The following MON2 variants were observed in gnomAD, a reference collection of about 807,000 sequenced individuals.
MON2 encodes protein MON2 homolog.
Under a neutral mutation model 208.6 loss-of-function variants are expected in MON2, and 84 were observed. The ratio of observed to expected loss-of-function variants is 0.40; its 90% CI spans 0.34 to 0.48. The LOEUF (loss-of-function observed/expected upper bound fraction) is 0.48. MON2 is among the 20% of genes least tolerant of loss of function. MON2 has a pLI of 0.59. For missense variants in MON2, 1,611 were observed against 2,015.4 expected, an observed-to-expected ratio of 0.80 and a Z score of 3.84; for synonymous variants, 660 against 694.0, an observed-to-expected ratio of 0.95 and a Z score of 0.77.
At chr12:62,494,147 A>G in intron 3 of MON2, 105 bp downstream of exon 3, 1 of 1,067,398 alleles carries the variant, frequency 9.4e-7, no homozygotes, top group South Asian at 2.0e-5. Flanking sequence ...TTTTACAAAT[A>G]GCAATGTGCT....
chr12:62,490,647 A>G (rs912328117), intron 2 of MON2, among the ~76,000 whole-genome samples: 1 of 151,978 alleles, frequency 6.6e-6, no homozygotes, highest in African/African-American at 2.4e-5. Flanking sequence ...AATACAGTGG[A>G]TGTGTTTTTG....
intron 7 of MON2, among the ~76,000 whole-genome samples, chr12:62,502,474 A>T (rs2070893412): frequency 6.6e-6 from 1 of 151,784 alleles, no homozygotes; most frequent in Non-Finnish European, 1.5e-5. Context: ...GACATATAAC[A>T]GTTTAGTGTT....
Position 62,585,434 on chromosome 12 carries a change from A to C in MON2, c.4840A>C (p.Arg1614=), listed in dbSNP as rs774523753. ...SRMALSVLLK[R]SQDVLHRYIE... ...AATGGCACTCTCAGTGCTTTTAAAG[A>C]GGTCCCAAGATGTACTACATCGCTA... Residue 1614 remains arginine (R), a synonymous_variant, in exon 33 of 35, where the codon AGG becomes CGG. Coordinates refer to ENST00000393630, the MANE Select transcript of MON2 (RefSeq NM_015026.3). 1.2e-6 allele frequency: 2 copies of C among 1,613,718 alleles called. No homozygotes were observed. The highest frequency in any genetic ancestry group is 4.5e-5 in the East Asian group (2 of 44,856).
intron 8 of MON2, among the ~76,000 whole-genome samples, chr12:62,513,168 G>A (rs1476202598): frequency 2.0e-5 from 3 of 152,180 alleles, no homozygotes; most frequent in Non-Finnish European, 4.4e-5. Flanking sequence ...TCAGCTCCTT[G>A]TTACTTATGC....
chr12:62,549,013 G>T (rs2073624401), intron 22 of MON2, among the ~76,000 whole-genome samples: 1 of 152,204 alleles, frequency 6.6e-6, no homozygotes. Context: ...CAGGGATACA[G>T]TGAGGAGAAA....
chr12:62,579,296 G>T (rs1330729037), intron 31 of MON2, among the ~76,000 whole-genome samples: 1 of 151,950 alleles, frequency 6.6e-6, no homozygotes, highest in Non-Finnish European at 1.5e-5. Flanking sequence ...ATGTTTTGAG[G>T]ATTATAAATG....
chr12:62,575,649 T>C (rs529342583), intron 30 of MON2, among the ~76,000 whole-genome samples: 2 of 152,376 alleles, frequency 1.3e-5, no homozygotes, highest in East Asian at 3.9e-4. Context: ...CCCAAACTTT[T>C]TGATCTGCAA....
chr12:62,494,418 A>G (rs1347990430), intron 3 of MON2, among the ~76,000 whole-genome samples: 1 of 152,216 alleles, frequency 6.6e-6, no homozygotes, highest in Non-Finnish European at 1.5e-5. Context: ...CGTATTGTTC[A>G]TATCTAACCT....
At chr12:62,533,694 G>A (rs1036075848) in intron 12 of MON2, among the ~76,000 whole-genome samples, 10 of 152,158 alleles carry the variant, frequency 6.6e-5, no homozygotes, top group Non-Finnish European at 1.0e-4. Flanking sequence ...GTTCCTTTTA[G>A]TGGAGAATAG....
chr12:62,517,118 T>G lies in MON2; in HGVS notation c.985-7397T>G, dbSNP rs184290838. On this transcript the variant is annotated intron_variant, in intron 8 of 34. Transcript: ENST00000393630. ...ACTAGGCCAACTAAATACCACTTCC[T>G]CACTTGTTCCCTAAATATTAGCAGG... Among the ~76,000 whole-genome samples, 759 of 152,284 alleles carry G rather than the reference T, an allele frequency of 5.0e-3. 6 individuals are homozygous for G. Among genetic ancestry groups the G allele is most frequent in the Non-Finnish European group, 8.1e-3 (552 of 68,032 alleles).
chr12:62,538,274 C>T lies in MON2; in HGVS notation c.2222C>T (p.Thr741Ile). ...PSTVLTTAVM[T>I]DLPVISNILS... ...CAGGTTCTAACAACAGCAGTGATGA[C>T]AGATTTACCAGTGATTTCCAATATA... Residue 741 changes from threonine (T) to isoleucine (I), a missense_variant, in exon 18 of 35, where the codon ACA becomes ATA. Coordinates refer to ENST00000393630, the MANE Select transcript of MON2 (RefSeq NM_015026.3). The T allele has an allele frequency of 1.2e-6, 2 of 1,613,514 alleles. No individual in the cohort carries two copies. The highest frequency in any genetic ancestry group is 1.7e-6 in the Non-Finnish European group (2 of 1,179,542).
At chr12:62,587,432 T>C (rs573573430) in intron 33 of MON2, among the ~76,000 whole-genome samples, 3 of 152,148 alleles carry the variant, frequency 2.0e-5, no homozygotes, top group South Asian at 2.1e-4. Flanking sequence ...ATAAAATGTT[T>C]TAAGGGCAGG....
At chr12:62,498,779 A>G in intron 4 of MON2, 140 bp from the exon 5 acceptor site, 1 of 876,756 alleles carries the variant, frequency 1.1e-6, no homozygotes, top group African/African-American at 1.7e-5. Flanking sequence ...TTACATCAAA[A>G]TCTGAGGATT....
intron 1 of MON2, among the ~76,000 whole-genome samples, chr12:62,473,834 G>C (rs1035332814): frequency 6.6e-6 from 1 of 151,988 alleles, no homozygotes; most frequent in African/African-American, 2.4e-5. Flanking sequence ...GCCTCCCAAA[G>C]TGCTGGGATT....
intron 34 of MON2, 67 bp downstream of exon 34, chr12:62,588,223 C>A: frequency 8.9e-7 from 1 of 1,123,814 alleles, no homozygotes; most frequent in Non-Finnish European, 1.3e-6. Context: ...GGACTTTTGT[C>A]TGTTAATTTA....
chr12:62,571,887 A>C (rs949592562), intron 30 of MON2, among the ~76,000 whole-genome samples: 1 of 152,254 alleles, frequency 6.6e-6, no homozygotes, highest in Non-Finnish European at 1.5e-5. Flanking sequence ...TTTGATGCCC[A>C]TTGGGCATTG....
rs1365406463 is a variant in MON2, at chr12:62,532,464, C to T, written c.1427C>T (p.Pro476Leu). The T allele has an allele frequency of 6.2e-7, 1 of 1,613,804 alleles. No individual in the cohort carries two copies. The highest frequency in any genetic ancestry group is 1.7e-5 in the Admixed American group (1 of 60,006). The change falls in exon 12 of 35, where the codon CCT becomes CTT. Residue 476 changes from proline to leucine, a missense_variant. Physicochemically the swap from Pro to Leu is moderately conservative, Grantham distance 98. Coordinates refer to ENST00000393630, the MANE Select transcript of MON2 (RefSeq NM_015026.3). ...TTAGAAATGTTGGACAAAGTTGAGC[C>T]TCCAACTATACCTGAAGGTTACGCC... ...TYLEMLDKVE[P>L]PTIPEGYAMS... is the part of the protein sequence containing the mutation.
chr12:62,584,753 C>T (rs1349241788), intron 32 of MON2, among the ~76,000 whole-genome samples: 1 of 139,294 alleles, frequency 7.2e-6, no homozygotes, highest in Non-Finnish European at 1.6e-5. Flanking sequence ...TGGGATCTAA[C>T]TTGAGAGAAT....
intron 28 of MON2, 25 bp downstream of exon 28, chr12:62,566,056 C>T (rs764622282): frequency 1.1e-5 from 18 of 1,603,384 alleles, no homozygotes; most frequent in African/African-American, 4.0e-5. Context: ...CTAAAATTGT[C>T]CTAACCTCTT....
Sources: allele counts gnomAD v4.1 joint callset (sites outside exome capture counted in the v4.1 genomes callset), GRCh38; gene constraint gnomAD v4.1.1; transcripts MANE v1.5; gene names NCBI Gene and HGNC (gene_info 2026-07-23, HGNC 2026-07-21).